Variants in IMMP2L observed in about 807,000 individuals in gnomAD.
The protein encoded by IMMP2L is inner mitochondrial membrane peptidase subunit 2.
A neutral mutation model predicts 19.3 loss-of-function variants in IMMP2L; 18 were observed. The ratio of observed to expected loss-of-function variants is 0.93; its 90% confidence interval spans 0.64 to 1.38. The LOEUF is 1.38. IMMP2L is among the 40% of genes most tolerant of loss of function. The pLI is 0.00. For missense variants in IMMP2L, 233 were observed against 218.2 expected (o/e 1.07, Z -0.43); for synonymous variants, 76 against 73.0 (o/e 1.04, Z -0.21).
At chr7:110,726,095 G>A (rs1040672094) in intron 5 of IMMP2L, among the ~76,000 whole-genome samples, 10 of 152,076 alleles carry the variant, frequency 6.6e-5, no homozygotes, top group African/African-American at 1.4e-4. Flanking sequence ...GTCTAACCCC[G>A]GACTCTGTGC....
chr7:110,789,962 C>A (rs912352802), intron 5 of IMMP2L, among the ~76,000 whole-genome samples: 3 of 151,608 alleles, frequency 2.0e-5, no homozygotes, highest in Non-Finnish European at 4.4e-5. Flanking sequence ...ATCTTATGCC[C>A]ATGGATCTTA....
At chr7:111,356,499 G>T (rs1210387561) in intron 3 of IMMP2L, among the ~76,000 whole-genome samples, 3 of 152,054 alleles carry the variant, frequency 2.0e-5, no homozygotes, top group Non-Finnish European at 2.9e-5. Flanking sequence ...TCGGATTCTG[G>T]TATCAAGGGA....
Position 111,235,328 on chromosome 7 carries a change from G to A in IMMP2L, c.239+251910C>T, listed in dbSNP as rs537051052. Among the ~76,000 whole-genome samples the A allele has an allele frequency of 2.1e-3, 322 of 152,014 alleles. 1 individual carries two copies. Among genetic ancestry groups the A allele is most frequent in the Non-Finnish European group, 3.9e-3 (265 of 67,958 alleles). On this transcript the variant is annotated intron_variant, in intron 3 of 5. Transcript: ENST00000405709. ...CTCTACTAAAAATACTAAATTAGCC[G>A]AGCGTGGTGGTGGGCACCTGTAATC...
chr7:111,099,789 T>C (rs1464432013), intron 3 of IMMP2L: 1 of 151,624 alleles, frequency 6.6e-6, no homozygotes, highest in Non-Finnish European at 1.5e-5. Flanking sequence ...GAATCATGAA[T>C]AACCTAACAT....
At chr7:110,766,735 A>T (rs1435141805) in intron 5 of IMMP2L, among the ~76,000 whole-genome samples, 1 of 151,970 alleles carries the variant, frequency 6.6e-6, no homozygotes, top group African/African-American at 2.4e-5. Context: ...GAGAATTTAC[A>T]TTTGTCCTAA....
intron 3 of IMMP2L, among the ~76,000 whole-genome samples, chr7:111,381,249 G>A (rs1221532583): frequency 6.6e-6 from 1 of 151,812 alleles, no homozygotes; most frequent in Non-Finnish European, 1.5e-5. Flanking sequence ...TTTTTGACCT[G>A]TAAGACATGG....
intron 5 of IMMP2L, among the ~76,000 whole-genome samples, chr7:110,802,516 AATACTT>A (rs1470276592): frequency 6.6e-5 from 10 of 152,064 alleles, no homozygotes; most frequent in African/African-American, 2.2e-4. Flanking sequence ...TGTACTATAA[AATACTT>A]AGACTATGAA....
At chr7:111,115,255 T>C (rs947922709) in intron 3 of IMMP2L, among the ~76,000 whole-genome samples, 8 of 152,276 alleles carry the variant, frequency 5.3e-5, no homozygotes, top group African/African-American at 1.9e-4. Context: ...GTATATGGTG[T>C]GATGCTTATA....
intron 1 of IMMP2L, among the ~76,000 whole-genome samples, chr7:111,552,910 C>A (rs1387618645): frequency 6.6e-6 from 1 of 152,094 alleles, no homozygotes; most frequent in African/African-American, 2.4e-5. Flanking sequence ...GAGAATAGTC[C>A]CACGGCAAGC....
chr7:111,025,642 C>T (rs1826729678), intron 3 of IMMP2L, among the ~76,000 whole-genome samples: 1 of 152,118 alleles, frequency 6.6e-6, no homozygotes, highest in South Asian at 2.1e-4. Context: ...CCTCTAATTA[C>T]AAGACAGTCC....
chr7:111,007,490 A>G (rs981266476), intron 3 of IMMP2L, among the ~76,000 whole-genome samples: 1 of 152,036 alleles, frequency 6.6e-6, no homozygotes. Flanking sequence ...CTCTTGCCTC[A>G]TCAGCTGTAC....
intron 4 of IMMP2L, among the ~76,000 whole-genome samples, chr7:110,932,023 C>T (rs550322898): frequency 1.3e-5 from 2 of 152,258 alleles, no homozygotes; most frequent in East Asian, 1.9e-4. Flanking sequence ...TGCACACCTA[C>T]CCCACTGAAA....
At chr7:111,053,109 T>A (rs1041766197) in intron 3 of IMMP2L, among the ~76,000 whole-genome samples, 1 of 152,186 alleles carries the variant, frequency 6.6e-6, no homozygotes, top group Admixed American at 6.5e-5. Flanking sequence ...AGAGTATGAA[T>A]GAAAGTTTAT....
intron 5 of IMMP2L, among the ~76,000 whole-genome samples, chr7:110,745,818 C>T (rs982497139): frequency 3.9e-5 from 6 of 152,106 alleles, no homozygotes; most frequent in East Asian, 1.9e-4. Context: ...TAAAGACCAT[C>T]GACACTATGA....
chr7:110,869,045 G>A (rs1284188274), intron 5 of IMMP2L, among the ~76,000 whole-genome samples: 2 of 151,820 alleles, frequency 1.3e-5, no homozygotes, highest in African/African-American at 4.8e-5. Context: ...CTTTTACCAG[G>A]GTGCTCATTT....
chr7:110,911,815 CA>C (rs1352591606), intron 4 of IMMP2L, among the ~76,000 whole-genome samples: 4 of 152,076 alleles, frequency 2.6e-5, no homozygotes, highest in African/African-American at 9.7e-5. Context: ...TCTAATCTTT[CA>C]ATTCCTATTC....
At chr7:111,153,733 T>C (rs1804327049) in intron 3 of IMMP2L, among the ~76,000 whole-genome samples, 1 of 152,074 alleles carries the variant, frequency 6.6e-6, no homozygotes, top group Non-Finnish European at 1.5e-5. Flanking sequence ...ATTTTCTTTA[T>C]GGTAGTAGTA....
chr7:111,043,023 T>A (rs552667871), intron 3 of IMMP2L, among the ~76,000 whole-genome samples: 1 of 152,262 alleles, frequency 6.6e-6, no homozygotes, highest in African/African-American at 2.4e-5. Flanking sequence ...AATTTCTATT[T>A]CTACAGCTGA....
chr7:111,270,437 T>C (rs1317341353), intron 3 of IMMP2L, among the ~76,000 whole-genome samples: 1 of 152,172 alleles, frequency 6.6e-6, no homozygotes. Context: ...GTATTCTATT[T>C]GTCATGAGTA....
Sources: allele counts gnomAD v4.1 joint callset (sites outside exome capture counted in the v4.1 genomes callset), GRCh38; gene constraint gnomAD v4.1.1; transcripts MANE v1.5; gene names NCBI Gene and HGNC (gene_info 2026-07-23, HGNC 2026-07-21).